The following NUP214 variants were observed in gnomAD, a reference collection of about 807,000 sequenced individuals.
NUP214 encodes the protein nuclear pore complex protein Nup214.
A neutral mutation model predicts 196.2 loss-of-function variants in NUP214; 79 were observed. The observed-to-expected ratio is 0.40, with a 90% confidence interval of 0.34 to 0.49. The LOEUF is 0.49. Ranked by LOEUF, NUP214 falls within the 20% of genes least tolerant of loss-of-function variation. The pLI, the probability that NUP214 is intolerant of heterozygous loss-of-function variation, is 0.58. For missense variants in NUP214, 2,468 were observed against 2,539.0 expected, an observed-to-expected ratio of 0.97 and a Z score of 0.60; for synonymous variants, 1,020 against 990.5, an observed-to-expected ratio of 1.03 and a Z score of -0.56.
rs1443686093 is a variant in NUP214 at position 131,197,465 on chromosome 9, G to C, written c.3971G>C (p.Ser1324Thr). The C allele has an allele frequency of 2.5e-6, 4 of 1,614,170 alleles. No individual in the cohort carries two copies. Among genetic ancestry groups the C allele is most frequent in the African/African-American group, 1.3e-5 (1 of 75,032 alleles). ...PSKLGELLFP[S>T]SLAGETLGSF... ...AAGCTGGGAGAGCTTCTGTTTCCAA[G>C]TTCTTTGGCTGGAGAGACTCTGGGA... is the stretch of plus-strand genomic sequence containing the variant. The change falls in exon 29 of 36, where the codon AGT becomes ACT. Residue 1324 changes from serine to threonine, a missense_variant. Around this residue, in one of 5 missense-constraint regions of NUP214, gnomAD observed 1,801 missense variants for 1,779.4 expected, o/e 1.01. Transcript: ENST00000359428.
At chr9:131,188,246 T>G (rs1038347534) in intron 25 of NUP214, among the ~76,000 whole-genome samples, 15 of 152,252 alleles carry the variant, frequency 9.9e-5, no homozygotes, top group African/African-American at 3.6e-4. Context: ...AGTGATGTTA[T>G]GTCTAGCTTG....
At chr9:131,195,447 CTTAAT>C in intron 28 of NUP214, 153 bp downstream of exon 28, 1 of 516,658 alleles carries the variant, frequency 1.9e-6, no homozygotes, top group East Asian at 3.2e-5. Context: ...TAGAAATATG[CTTAAT>C]TTAAGAAACT....
At position 131,222,906 on chromosome 9, in the gene NUP214, G is replaced by A. The variant is rs1834602404; in HGVS notation, c.5878G>A (p.Gly1960Arg). Reference sequence around the variant, plus strand: ...AGGAAGTGTGGCATCCCAAGGCTTTGGGTTTTCCTCTCCAAACAAAACAGG... The same window carrying A: ...AGGAAGTGTGGCATCCCAAGGCTTTAGGTTTTCCTCTCCAAACAAAACAGG... ...GGGSVASQGF[G>R]FSSPNKTGGF... is the part of the protein sequence containing the mutation. Residue 1960 changes from glycine to arginine, a missense_variant, in exon 32 of 36, where the codon GGG becomes AGG. Gly to Arg is a moderately radical substitution (Grantham distance 125). This residue lies in a region of NUP214 where 262 missense variants were observed against 296.5 expected (regional missense o/e 0.88). Coordinates refer to ENST00000359428, the MANE Select transcript of NUP214 (RefSeq NM_005085.4). The A allele has an allele frequency of 6.2e-7, 1 of 1,613,944 alleles. No individual in the cohort carries two copies. The highest frequency in any genetic ancestry group is 1.3e-5 in the African/African-American group (1 of 74,868).
At chr9:131,201,220 G>A (rs940584338) in intron 29 of NUP214, among the ~76,000 whole-genome samples, 2 of 151,554 alleles carry the variant, frequency 1.3e-5, no homozygotes, top group East Asian at 3.9e-4. Context: ...TGTAATCCCA[G>A]CACTTTGGGA....
intron 21 of NUP214, among the ~76,000 whole-genome samples, chr9:131,167,708 T>C (rs1291726818): frequency 6.6e-6 from 1 of 152,236 alleles, no homozygotes. Flanking sequence ...GGATATGTTC[T>C]TTTGTGGAGT....
At chr9:131,208,011 A>G (rs951070907) in intron 30 of NUP214, among the ~76,000 whole-genome samples, 2 of 152,232 alleles carry the variant, frequency 1.3e-5, no homozygotes, top group African/African-American at 4.8e-5. Context: ...CAAAACCACA[A>G]TTAGATAAGA....
chr9:131,212,328 C>T (rs758316772), intron 30 of NUP214, among the ~76,000 whole-genome samples: 2 of 152,220 alleles, frequency 1.3e-5, no homozygotes, highest in African/African-American at 2.4e-5. Context: ...CGCTCTGCCC[C>T]ATTTGCCTTG....
intron 14 of NUP214, chr9:131,150,056 A>G (rs1832210461): frequency 3.5e-6 from 1 of 288,904 alleles, no homozygotes; most frequent in Non-Finnish European, 6.6e-6. Flanking sequence ...AACTGAAATT[A>G]TCAGATGTGT....
intron 30 of NUP214, among the ~76,000 whole-genome samples, chr9:131,203,682 C>T (rs779573792): frequency 9.9e-5 from 15 of 152,108 alleles, no homozygotes; most frequent in Non-Finnish European, 1.9e-4. Flanking sequence ...TTCAAGGGAA[C>T]CAAGTTCCCT....
intron 31 of NUP214, among the ~76,000 whole-genome samples, chr9:131,215,979 T>C (rs1834382337): frequency 6.9e-6 from 1 of 145,484 alleles, no homozygotes; most frequent in African/African-American, 2.5e-5. Context: ...CTCAGCTCAC[T>C]ACAACCTCCG....
intron 5 of NUP214, 117 bp from the exon 6 acceptor site, chr9:131,132,479 C>T: frequency 1.2e-6 from 1 of 862,216 alleles, no homozygotes. Context: ...TCTTCAGTCT[C>T]TCCCGGCCAA....
intron 4 of NUP214, 76 bp from the exon 5 acceptor site, chr9:131,130,690 A>G: frequency 1.6e-6 from 2 of 1,276,006 alleles, no homozygotes; most frequent in Non-Finnish European, 2.3e-6. Flanking sequence ...GAGAATTGAT[A>G]ATTAGCTGTG....
chr9:131,152,265 C>T (rs1832294566), intron 17 of NUP214, among the ~76,000 whole-genome samples: 1 of 152,106 alleles, frequency 6.6e-6, no homozygotes, highest in Admixed American at 6.5e-5. Context: ...AGGCATGTGC[C>T]ACCACACTTG....
At chr9:131,199,130 G>T in intron 29 of NUP214, 115 bp downstream of exon 29, 1 of 1,301,718 alleles carries the variant, frequency 7.7e-7, no homozygotes, top group Non-Finnish European at 1.0e-6. Context: ...AAAATAATCT[G>T]TAGGTTAAAG....
chr9:131,161,723 T>C (rs1832641355), intron 18 of NUP214, among the ~76,000 whole-genome samples: 1 of 152,222 alleles, frequency 6.6e-6, no homozygotes, highest in Non-Finnish European at 1.5e-5. Flanking sequence ...AAAATATACA[T>C]AGAGTCACTT....
intron 11 of NUP214, among the ~76,000 whole-genome samples, chr9:131,142,796 G>C (rs953606634): frequency 1.3e-5 from 2 of 152,194 alleles, no homozygotes; most frequent in Admixed American, 1.3e-4. Flanking sequence ...TTTTCAGAAA[G>C]TGGTATTTTC....
intron 17 of NUP214, among the ~76,000 whole-genome samples, chr9:131,158,728 G>A (rs1342838279): frequency 6.6e-6 from 1 of 152,176 alleles, no homozygotes; most frequent in African/African-American, 2.4e-5. Flanking sequence ...CCCAGACCAT[G>A]GAACTGAGAA....
At chr9:131,215,989 G>A (rs566440383) in intron 31 of NUP214, among the ~76,000 whole-genome samples, 101 of 136,176 alleles carry the variant, frequency 7.4e-4, no homozygotes, top group African/African-American at 2.3e-3. Context: ...TACAACCTCC[G>A]CCTCCCAGGT....
chr9:131,128,484 G>A lies in NUP214; in HGVS notation c.393+1G>A. On this transcript the variant is annotated splice_donor_variant, in intron 3 of 35. Coordinates refer to ENST00000359428, the MANE Select transcript of NUP214 (RefSeq NM_005085.4). LOFTEE classifies it high-confidence loss of function. ...TGATGTTCGCACATTCTCAAATGAGGTAAGCTACTGTTATACTGTGATGTC... is the reference window on the plus strand; with the variant it reads ...TGATGTTCGCACATTCTCAAATGAGATAAGCTACTGTTATACTGTGATGTC... 1 of 1,610,646 alleles carries A rather than the reference G, an allele frequency of 6.2e-7. No individual in the cohort carries two copies. Among genetic ancestry groups the A allele is most frequent in the Non-Finnish European group, 8.5e-7 (1 of 1,177,966 alleles).
Sources: gnomAD v4.1 joint callset for allele counts (sites outside exome capture counted in the v4.1 genomes callset) on GRCh38, gnomAD v4.1.1 for gene constraint, gnomAD v4.1.1 regional missense constraint, MANE v1.5 for transcripts, NCBI Gene and HGNC (gene_info 2026-07-23, HGNC 2026-07-21) for gene names.